MARK1: variants seen among roughly 807,000 people sequenced by gnomAD.
The protein encoded by MARK1 is microtubule affinity regulating kinase 1.
MARK1 carries 40 observed loss-of-function variants against 96.3 expected under a neutral mutation model. The ratio of observed to expected loss-of-function variants is 0.42; its 90% CI spans 0.32 to 0.54. MARK1 has a LOEUF of 0.54. Among genes scored for constraint, MARK1 ranks in the 20% least tolerant of loss-of-function variants. The pLI is 0.16. For synonymous variants in MARK1, 317 were observed against 341.2 expected, an observed-to-expected ratio of 0.93 and a Z score of 0.78; for missense variants, 719 against 984.6, an observed-to-expected ratio of 0.73 and a Z score of 3.61.
At position 220,644,449 on chromosome 1, in the gene MARK1, A is replaced by AC. The variant is rs61146086; in HGVS notation, c.1471-6158dup. ...CTTAAAGACCTACAAAGAGACTTAG[A>AC]CCCCCCCCCCCCCACACACACACAA... is the stretch of plus-strand genomic sequence containing the variant. On this transcript the variant is annotated intron_variant, in intron 13 of 17. Transcript: ENST00000366917. Among the ~76,000 whole-genome samples, 379 of 124,380 alleles carry AC rather than the reference A, an allele frequency of 3.0e-3. 3 individuals carry two copies. Among genetic ancestry groups the AC allele is most frequent in the Admixed American group, 4.0e-3 (45 of 11,278 alleles). 81.6% of individuals were successfully genotyped at this position (124,380 alleles called of 152,430 possible).
intron 9 of MARK1, among the ~76,000 whole-genome samples, chr1:220,623,104 C>T (rs1055235302): frequency 1.3e-5 from 2 of 152,038 alleles, no homozygotes; most frequent in Non-Finnish European, 1.5e-5. Flanking sequence ...GAAATGAAAT[C>T]GGAGTGGATG....
At chr1:220,611,387 C>T (rs186023397) in intron 6 of MARK1, among the ~76,000 whole-genome samples, 7 of 152,332 alleles carry the variant, frequency 4.6e-5, no homozygotes, top group Admixed American at 2.0e-4. Flanking sequence ...AAGCCAGGCA[C>T]GGGAGAGAAT....
intron 1 of MARK1, among the ~76,000 whole-genome samples, chr1:220,537,091 G>GTTT (rs578156384): frequency 7.1e-6 from 1 of 140,790 alleles, no homozygotes. Context: ...CTATCACCTA[G>GTTT]TTTTTTTTTT....
chr1:220,570,652 A>G (rs1663384005), intron 1 of MARK1, among the ~76,000 whole-genome samples: 1 of 152,150 alleles, frequency 6.6e-6, no homozygotes, highest in Admixed American at 6.6e-5. Flanking sequence ...ATTGTTTAAT[A>G]TGTTATTGGT....
rs181938380 is a variant in MARK1 at position 220,661,042 on chromosome 1, A to G, written c.2034-770A>G. Among the ~76,000 whole-genome samples, 54 of 152,358 alleles carry G rather than the reference A, an allele frequency of 3.5e-4. 1 individual carries two copies. Among genetic ancestry groups the G allele is most frequent in the Admixed American group, 3.1e-3 (47 of 15,304 alleles). ...AAGATTTGAAAAAAGCAAAGGAGTT[A>G]GCGTCGCAGCCATCTGGGGAGAAGC... On this transcript the variant is annotated intron_variant, in intron 17 of 17. Coordinates refer to ENST00000366917, the MANE Select transcript of MARK1 (RefSeq NM_018650.5).
intron 1 of MARK1, among the ~76,000 whole-genome samples, chr1:220,557,452 G>A (rs1056734825): frequency 1.7e-4 from 26 of 152,082 alleles, no homozygotes; most frequent in African/African-American, 5.8e-4. Context: ...CTAGCTACTC[G>A]GGAGGCTGAG....
At chr1:220,646,925 A>G (rs1275701306) in intron 13 of MARK1, among the ~76,000 whole-genome samples, 3 of 152,234 alleles carry the variant, frequency 2.0e-5, no homozygotes, top group Non-Finnish European at 4.4e-5. Flanking sequence ...AAAGACTTAA[A>G]TGTAAAATCC....
chr1:220,644,361 G>A (rs1000858531), intron 13 of MARK1, among the ~76,000 whole-genome samples: 1 of 151,678 alleles, frequency 6.6e-6, no homozygotes, highest in Non-Finnish European at 1.5e-5. Flanking sequence ...TCAACATGAA[G>A]AGCTAACTAT....
Position 220,663,559 on chromosome 1 carries a change from CAG to C in MARK1, c.*1395_*1396del, listed in dbSNP as rs1035633008. The C allele has an allele frequency of 6.6e-6, 1 of 152,478 alleles. No individual in the cohort carries two copies. Among genetic ancestry groups the C allele is most frequent in the African/African-American group, 2.4e-5 (1 of 41,400 alleles). 9.4% of individuals were successfully genotyped at this position (152,478 alleles called of 1,614,324 possible). On this transcript the variant is annotated 3_prime_UTR_variant, in exon 18 of 18. Coordinates refer to ENST00000366917, the MANE Select transcript of MARK1 (RefSeq NM_018650.5). Reference sequence around the variant, plus strand: ...GCCCCATCTGCACACTCCTGAAAAACAGAAAGTGTATTCAAATTTTATCAGTT... The same window carrying C: ...GCCCCATCTGCACACTCCTGAAAAACAAAGTGTATTCAAATTTTATCAGTT...
intron 10 of MARK1, 59 bp downstream of exon 10, chr1:220,631,193 G>A: frequency 8.7e-7 from 1 of 1,144,956 alleles, no homozygotes; most frequent in Non-Finnish European, 1.3e-6. Flanking sequence ...GAGTCCTTTA[G>A]TGTGCCAAAA....
intron 14 of MARK1, among the ~76,000 whole-genome samples, chr1:220,651,310 C>G (rs1668859866): frequency 6.6e-6 from 1 of 152,014 alleles, no homozygotes; most frequent in African/African-American, 2.4e-5. Flanking sequence ...TTCTTAGTAC[C>G]ACCTTCAGTC....
chr1:220,628,365 C>A (rs1025209229), intron 9 of MARK1, among the ~76,000 whole-genome samples: 11 of 152,148 alleles, frequency 7.2e-5, no homozygotes, highest in African/African-American at 2.7e-4. Flanking sequence ...ACACTTAAAC[C>A]ATCACCCATT....
rs938919765 is a variant in MARK1 at position 220,663,233 on chromosome 1, AC to A, written c.*1068del. Reference sequence around the variant, plus strand: ...CTTAAGAGACTTGTGAGCAAAACATACTATTTATAACAGTATATGATTGATT... The same window carrying A: ...CTTAAGAGACTTGTGAGCAAAACATATATTTATAACAGTATATGATTGATT... On this transcript the variant is annotated 3_prime_UTR_variant, in exon 18 of 18. Coordinates refer to ENST00000366917, the MANE Select transcript of MARK1 (RefSeq NM_018650.5). 1 of 152,544 alleles carries A rather than the reference AC, an allele frequency of 6.6e-6. No homozygotes were observed. The highest frequency in any genetic ancestry group is 1.5e-5 in the Non-Finnish European group (1 of 68,004). 9.4% of individuals were successfully genotyped at this position (152,544 alleles called of 1,614,324 possible). A position where few individuals can be genotyped will look rare whatever the true frequency, so the allele number is the denominator to read the frequency against.
intron 9 of MARK1, among the ~76,000 whole-genome samples, chr1:220,619,819 T>C (rs970818208): frequency 6.6e-6 from 1 of 152,228 alleles, no homozygotes; most frequent in Non-Finnish European, 1.5e-5. Flanking sequence ...CAGCATGCAT[T>C]ATTCACTAGT....
intron 9 of MARK1, chr1:220,626,751 G>C (rs1389618177): frequency 3.0e-6 from 1 of 336,954 alleles, no homozygotes; most frequent in African/African-American, 2.2e-5. Context: ...GCACCCTAGA[G>C]GCGGAGGTTG....
chr1:220,541,172 A>G (rs765240345), intron 1 of MARK1, among the ~76,000 whole-genome samples: 1 of 152,108 alleles, frequency 6.6e-6, no homozygotes, highest in Non-Finnish European at 1.5e-5. Flanking sequence ...ACCTCAAGTG[A>G]TCTGCCCACC....
chr1:220,559,971 G>A (rs1662550623), intron 1 of MARK1, among the ~76,000 whole-genome samples: 1 of 152,158 alleles, frequency 6.6e-6, no homozygotes, highest in Non-Finnish European at 1.5e-5. Context: ...CCAAGATTGG[G>A]TGATTTATAA....
intron 13 of MARK1, among the ~76,000 whole-genome samples, chr1:220,648,973 G>A (rs1311261328): frequency 6.6e-6 from 1 of 152,132 alleles, no homozygotes; most frequent in Non-Finnish European, 1.5e-5. Context: ...CAAAAATTAG[G>A]AATTTATTGA....
At chr1:220,586,924 A>G (rs572837899) in intron 3 of MARK1, among the ~76,000 whole-genome samples, 1 of 152,258 alleles carries the variant, frequency 6.6e-6, no homozygotes, top group South Asian at 2.1e-4. Context: ...TGTCTTTCCC[A>G]TTTTAAAAAA....
Sources: gnomAD v4.1 joint callset for allele counts (sites outside exome capture counted in the v4.1 genomes callset) on GRCh38, gnomAD v4.1.1 for gene constraint, MANE v1.5 for transcripts, NCBI Gene and HGNC (gene_info 2026-07-23, HGNC 2026-07-21) for gene names.